The following UNC5D variants were observed in gnomAD, a reference collection of about 807,000 sequenced individuals.
The protein encoded by UNC5D is netrin receptor UNC5D.
UNC5D carries 39 observed loss-of-function variants against 105.4 expected under a neutral mutation model. The ratio of observed to expected loss-of-function variants is 0.37; its 90% CI spans 0.29 to 0.48. The LOEUF is 0.48. Ranked by LOEUF, UNC5D falls within the 20% of genes least tolerant of loss-of-function variation. The pLI is 0.98. For synonymous variants in UNC5D, 452 were observed against 450.4 expected (o/e 1.00, Z -0.04); for missense variants, 991 against 1,202.4 (o/e 0.82, Z 2.60).
intron 1 of UNC5D, among the ~76,000 whole-genome samples, chr8:35,248,694 T>TAA (rs1803393864): frequency 1.0e-5 from 1 of 97,184 alleles, no homozygotes; most frequent in African/African-American, 4.6e-5. Context: ...ATATAAAATA[T>TAA]ATAAAAATAT....
chr8:35,731,846 A>G (rs1250364049), intron 11 of UNC5D, among the ~76,000 whole-genome samples: 1 of 152,222 alleles, frequency 6.6e-6, no homozygotes, highest in Non-Finnish European at 1.5e-5. Flanking sequence ...AATTTTAGGC[A>G]ATGTGAAAAT....
At chr8:35,672,759 A>C (rs1824908678) in intron 4 of UNC5D, among the ~76,000 whole-genome samples, 1 of 152,126 alleles carries the variant, frequency 6.6e-6, no homozygotes, top group South Asian at 2.1e-4. Flanking sequence ...TTCTTCACTC[A>C]TGACAGTGTT....
At chr8:35,714,870 G>T (rs574734964) in intron 8 of UNC5D, among the ~76,000 whole-genome samples, 1 of 152,178 alleles carries the variant, frequency 6.6e-6, no homozygotes, top group Admixed American at 6.5e-5. Flanking sequence ...GAATGAAGCC[G>T]GCCAGGCGCA....
intron 1 of UNC5D, among the ~76,000 whole-genome samples, chr8:35,471,298 T>C (rs1809706026): frequency 6.6e-6 from 1 of 152,120 alleles, no homozygotes; most frequent in African/African-American, 2.4e-5. Context: ...ATTGACTTAC[T>C]TATGTCACAG....
intron 1 of UNC5D, among the ~76,000 whole-genome samples, chr8:35,499,293 G>A (rs1006920914): frequency 3.1e-4 from 47 of 152,194 alleles, no homozygotes; most frequent in African/African-American, 9.7e-4. Context: ...ACATGAAGTC[G>A]ATAATTACAC....
chr8:35,479,500 G>A (rs887585799), intron 1 of UNC5D, among the ~76,000 whole-genome samples: 15 of 152,040 alleles, frequency 9.9e-5, no homozygotes, highest in African/African-American at 2.9e-4. Context: ...TGTATTCATC[G>A]CAGCACTGTT....
intron 9 of UNC5D, among the ~76,000 whole-genome samples, chr8:35,725,810 TTC>T (rs1370767578): frequency 6.6e-6 from 1 of 152,228 alleles, no homozygotes; most frequent in African/African-American, 2.4e-5. Context: ...TTATTTTAGC[TTC>T]TGTTTGCCAG....
At chr8:35,578,849 C>G (rs963828789) in intron 3 of UNC5D, among the ~76,000 whole-genome samples, 2 of 152,196 alleles carry the variant, frequency 1.3e-5, no homozygotes, top group African/African-American at 2.4e-5. Flanking sequence ...TCCACCACAT[C>G]TTACTGTGGA....
chr8:35,341,967 T>A (rs1417440433), intron 1 of UNC5D, among the ~76,000 whole-genome samples: 1 of 152,118 alleles, frequency 6.6e-6, no homozygotes, highest in African/African-American at 2.4e-5. Flanking sequence ...CTTCACAGTA[T>A]CAACACCAGT....
chr8:35,285,213 C>T (rs1199541379), intron 1 of UNC5D, among the ~76,000 whole-genome samples: 3 of 152,164 alleles, frequency 2.0e-5, no homozygotes, highest in South Asian at 2.1e-4. Flanking sequence ...CAGTAGTGTC[C>T]TTGTTAGACT....
At chr8:35,437,398 A>G (rs182389854) in intron 1 of UNC5D, among the ~76,000 whole-genome samples, 2 of 152,216 alleles carry the variant, frequency 1.3e-5, no homozygotes, top group Non-Finnish European at 2.9e-5. Context: ...TGATCCATGT[A>G]GAATGGTCAG....
chr8:35,516,199 C>T (rs1219926187), intron 1 of UNC5D, among the ~76,000 whole-genome samples: 1 of 152,122 alleles, frequency 6.6e-6, no homozygotes, highest in Non-Finnish European at 1.5e-5. Flanking sequence ...AGTCTTGGAC[C>T]ACTTCATAGA....
At chr8:35,572,275 CAAAAAAA>C (rs58478029) in intron 3 of UNC5D, among the ~76,000 whole-genome samples, 4 of 72,474 alleles carry the variant, frequency 5.5e-5, no homozygotes, top group Non-Finnish European at 9.7e-5. Context: ...GCGAGACTGT[CAAAAAAA>C]AAAAAAAAAA....
chr8:35,644,227 T>C (rs1463438898), intron 4 of UNC5D, among the ~76,000 whole-genome samples: 1 of 152,100 alleles, frequency 6.6e-6, no homozygotes, highest in Non-Finnish European at 1.5e-5. Flanking sequence ...CCTTTTTCAG[T>C]AAGTGGGAAG....
At chr8:35,519,459 C>T (rs1037015662) in intron 1 of UNC5D, among the ~76,000 whole-genome samples, 6 of 152,014 alleles carry the variant, frequency 3.9e-5, no homozygotes, top group African/African-American at 1.4e-4. Flanking sequence ...TAGTATGTGG[C>T]CCACTAGTTT....
intron 2 of UNC5D, among the ~76,000 whole-genome samples, chr8:35,550,634 A>C (rs959197911): frequency 3.3e-5 from 5 of 152,230 alleles, no homozygotes; most frequent in African/African-American, 1.2e-4. Context: ...AACTTTACAC[A>C]TAATGACAGA....
chr8:35,662,301 C>T (rs911662499), intron 4 of UNC5D, among the ~76,000 whole-genome samples: 2 of 151,974 alleles, frequency 1.3e-5, no homozygotes, highest in African/African-American at 4.8e-5. Context: ...CAGCCTAGAC[C>T]GGTATCATAA....
chr8:35,560,434 T>G (rs1351618416), intron 2 of UNC5D, among the ~76,000 whole-genome samples: 1 of 152,236 alleles, frequency 6.6e-6, no homozygotes, highest in Non-Finnish European at 1.5e-5. Context: ...TATACACTCA[T>G]GTACTATTAC....
chr8:35,360,542 T>C (rs146747100), intron 1 of UNC5D, among the ~76,000 whole-genome samples: 4 of 152,292 alleles, frequency 2.6e-5, no homozygotes, highest in Non-Finnish European at 4.4e-5. Flanking sequence ...CAGAATTCTA[T>C]AATCTGTCTT....
Sources: allele counts gnomAD v4.1 joint callset (sites outside exome capture counted in the v4.1 genomes callset), GRCh38; gene constraint gnomAD v4.1.1; transcripts MANE v1.5; gene names NCBI Gene and HGNC (gene_info 2026-07-23, HGNC 2026-07-21).